FSTL5: variants seen among roughly 807,000 people sequenced by gnomAD.
FSTL5 encodes follistatin-related protein 5.
Under a neutral mutation model 89.1 loss-of-function variants are expected in FSTL5, and 62 were observed. That is an observed-to-expected ratio of 0.70 (90% CI 0.57 to 0.86). FSTL5 has a LOEUF of 0.86. Among genes scored for constraint, FSTL5 ranks in the 40% least tolerant of loss-of-function variants. The pLI is 0.00. For synonymous variants in FSTL5, 383 were observed against 346.2 expected, an observed-to-expected ratio of 1.11 and a Z score of -1.18; for missense variants, 1,057 against 1,001.6, an observed-to-expected ratio of 1.06 and a Z score of -0.75.
intron 8 of FSTL5, among the ~76,000 whole-genome samples, chr4:161,555,088 T>A (rs1171789943): frequency 6.6e-6 from 1 of 151,556 alleles, no homozygotes; most frequent in East Asian, 1.9e-4. Context: ...GCAACAAATG[T>A]TGGAGGCAAA....
intron 7 of FSTL5, among the ~76,000 whole-genome samples, chr4:161,597,738 A>T (rs529172424): frequency 6.6e-6 from 1 of 152,282 alleles, no homozygotes; most frequent in Admixed American, 6.5e-5. Flanking sequence ...TACAATATGT[A>T]GACCCAATGC....
At chr4:161,914,336 G>T (rs924263878) in intron 4 of FSTL5, among the ~76,000 whole-genome samples, 2 of 152,124 alleles carry the variant, frequency 1.3e-5, no homozygotes, top group African/African-American at 2.4e-5. Flanking sequence ...AGATAAAATT[G>T]TCTAAGGATT....
intron 6 of FSTL5, among the ~76,000 whole-genome samples, chr4:161,700,642 G>T (rs1033186490): frequency 6.6e-6 from 1 of 152,064 alleles, no homozygotes; most frequent in South Asian, 2.1e-4. Flanking sequence ...CTCCCAAAGT[G>T]CTGGGATTAC....
intron 3 of FSTL5, chr4:162,032,432 A>G (rs1317244903): frequency 1.3e-5 from 2 of 152,184 alleles, no homozygotes; most frequent in African/African-American, 4.8e-5. Context: ...TCGCATATAA[A>G]ATAACAAGCG....
chr4:161,996,133 G>T (rs1736287327), intron 3 of FSTL5, among the ~76,000 whole-genome samples: 1 of 152,160 alleles, frequency 6.6e-6, no homozygotes, highest in Non-Finnish European at 1.5e-5. Flanking sequence ...GTATGAATTA[G>T]CTATTACAAT....
chr4:161,430,337 TCAAA>T (rs988653867), intron 15 of FSTL5, among the ~76,000 whole-genome samples: 2 of 147,054 alleles, frequency 1.4e-5, no homozygotes, highest in African/African-American at 4.9e-5. Context: ...TTCAAAGTCA[TCAAA>T]CAGAGAACTT....
intron 9 of FSTL5, among the ~76,000 whole-genome samples, chr4:161,538,915 C>T (rs1035309365): frequency 8.6e-5 from 13 of 152,030 alleles, no homozygotes; most frequent in African/African-American, 2.7e-4. Flanking sequence ...AGGCCCACTG[C>T]GCCACCCCGG....
At chr4:161,942,397 A>C (rs1230772729) in intron 3 of FSTL5, among the ~76,000 whole-genome samples, 1 of 152,022 alleles carries the variant, frequency 6.6e-6, no homozygotes, top group African/African-American at 2.4e-5. Context: ...TAAGAGAAAA[A>C]ATTAAAAAGA....
At chr4:161,659,655 C>T (rs915398785) in intron 6 of FSTL5, among the ~76,000 whole-genome samples, 6 of 152,118 alleles carry the variant, frequency 3.9e-5, no homozygotes, top group African/African-American at 1.4e-4. Context: ...ATGAATCAAG[C>T]TGTAATCCAA....
chr4:161,428,328 T>C lies in FSTL5; in HGVS notation c.1841+26676A>G, dbSNP rs1423934889. Among the ~76,000 whole-genome samples the C allele has an allele frequency of 2.0e-5, 3 of 152,192 alleles. No homozygotes were observed. The East Asian group carries it at 5.8e-4, about 29-fold the overall frequency. The stretch of plus-strand genomic sequence containing the variant: ...GCAATTCTTGGGCACATCTGGGTGC[T>C]GCATTGGGCTCAGAGCCAGCAGAAT... On this transcript the variant is annotated intron_variant, in intron 15 of 15. Transcript: ENST00000306100.
intron 3 of FSTL5, among the ~76,000 whole-genome samples, chr4:161,976,075 G>A (rs1440408966): frequency 4.3e-5 from 6 of 137,978 alleles, no homozygotes; most frequent in African/African-American, 1.1e-4. Context: ...CCGAGATCGC[G>A]TCACTGCACT....
chr4:161,654,062 ACTTAT>A (rs112212677), intron 7 of FSTL5, among the ~76,000 whole-genome samples: 2,178 of 152,238 alleles, frequency 0.014, 29 homozygotes, highest in South Asian at 0.045. Flanking sequence ...TTGTGCAAGA[ACTTAT>A]CTTATATTTA....
intron 6 of FSTL5, among the ~76,000 whole-genome samples, chr4:161,691,766 T>C (rs1165578960): frequency 6.6e-6 from 1 of 152,174 alleles, no homozygotes; most frequent in East Asian, 1.9e-4. Context: ...AGATATTTTA[T>C]TCTTTTAGAT....
intron 4 of FSTL5, among the ~76,000 whole-genome samples, chr4:161,855,788 C>A (rs954969153): frequency 1.3e-5 from 2 of 152,024 alleles, no homozygotes; most frequent in Admixed American, 1.3e-4. Flanking sequence ...TGGTAAAATA[C>A]CACACGTCAA....
intron 2 of FSTL5, 76 bp from the exon 3 acceptor site, chr4:162,033,734 T>C (rs933888151): frequency 1.3e-4 from 101 of 764,040 alleles, no homozygotes; most frequent in Middle Eastern, 2.4e-4. Context: ...AGTTTCACTA[T>C]AGAAGTATCA....
chr4:161,766,908 ATT>A lies in FSTL5; in HGVS notation c.607-7379_607-7378del, dbSNP rs1741022802. 7.4e-4 allele frequency among the ~76,000 whole-genome samples: 33 copies of A among 44,602 alleles called. 1 individual carries two copies. Among genetic ancestry groups the A allele is most frequent in the African/African-American group, 5.2e-3 (19 of 3,680 alleles). 29.3% of individuals were successfully genotyped at this position (44,602 alleles called of 152,430 possible). Reference sequence around the variant, plus strand: ...TAGATAGACAATAGATGATAGATCGATTGATAGATAGATAGATAGATAGATAG... The same window carrying A: ...TAGATAGACAATAGATGATAGATCGAGATAGATAGATAGATAGATAGATAG... On this transcript the variant is annotated intron_variant, in intron 5 of 15. Coordinates refer to ENST00000306100, the MANE Select transcript of FSTL5 (RefSeq NM_020116.5).
chr4:161,509,912 C>T (rs1411479029), intron 11 of FSTL5, among the ~76,000 whole-genome samples: 2 of 152,140 alleles, frequency 1.3e-5, no homozygotes, highest in Non-Finnish European at 2.9e-5. Context: ...GTATTAACAA[C>T]TACTATACTC....
Position 161,754,706 on chromosome 4 carries a change from T to C in FSTL5, c.727+4705A>G, listed in dbSNP as rs7656203. Among the ~76,000 whole-genome samples the C allele has an allele frequency of 6.9e-3, 1,048 of 152,266 alleles. 12 individuals are homozygous for C. The highest frequency in any genetic ancestry group is 0.024 in the African/African-American group (979 of 41,566). On this transcript the variant is annotated intron_variant, in intron 6 of 15. Transcript: ENST00000306100. ...ATATAACATCACTTCATCATTTCAA[T>C]TGAGTTTCATAACCTAAGCAAATAA...
At chr4:161,875,802 G>C (rs1193044598) in intron 4 of FSTL5, among the ~76,000 whole-genome samples, 1 of 151,984 alleles carries the variant, frequency 6.6e-6, no homozygotes, top group Non-Finnish European at 1.5e-5. Context: ...CCAATACTGG[G>C]GGCATCAGAG....
Sources: allele counts gnomAD v4.1 joint callset (sites outside exome capture counted in the v4.1 genomes callset), GRCh38; gene constraint gnomAD v4.1.1; transcripts MANE v1.5; gene names NCBI Gene and HGNC (gene_info 2026-07-23, HGNC 2026-07-21).